NIBAN1: variants seen among roughly 807,000 people sequenced by gnomAD.
The protein encoded by NIBAN1 is niban apoptosis regulator 1.
In NIBAN1, 81 loss-of-function variants were observed where a neutral mutation model predicts 75.1. That is an observed-to-expected ratio of 1.08 (90% CI 0.90 to 1.30). The LOEUF (loss-of-function observed/expected upper bound fraction) is 1.30, where lower values mean the gene tolerates loss of function less well. Ranked by LOEUF, NIBAN1 falls within the 50% of genes most tolerant of loss-of-function variation. The pLI is 0.00. For missense variants in NIBAN1, 1,133 were observed against 1,128.1 expected (o/e 1.00, Z -0.06); for synonymous variants, 436 against 424.8 (o/e 1.03, Z -0.32).
intron 1 of NIBAN1, among the ~76,000 whole-genome samples, chr1:184,974,033 C>G (rs1253936169): frequency 2.6e-5 from 4 of 152,070 alleles, no homozygotes; most frequent in Non-Finnish European, 5.9e-5. Flanking sequence ...GCACTGACCC[C>G]GAGGCGGCGG....
chr1:184,809,136 G>A (rs1043127641), intron 9 of NIBAN1, among the ~76,000 whole-genome samples: 6 of 152,148 alleles, frequency 3.9e-5, no homozygotes, highest in Admixed American at 1.3e-4. Flanking sequence ...TTCAGCTCAC[G>A]CAGAAGAGAT....
At chr1:184,842,011 C>T (rs1655300271) in intron 5 of NIBAN1, among the ~76,000 whole-genome samples, 1 of 152,030 alleles carries the variant, frequency 6.6e-6, no homozygotes, top group Non-Finnish European at 1.5e-5. Flanking sequence ...GTACATAGTA[C>T]TTATTAAGTG....
At chr1:184,906,357 G>T (rs1024844817) in intron 1 of NIBAN1, among the ~76,000 whole-genome samples, 1 of 151,594 alleles carries the variant, frequency 6.6e-6, no homozygotes, top group African/African-American at 2.4e-5. Flanking sequence ...TTGGCTGGGC[G>T]CGGTGGCTCA....
intron 9 of NIBAN1, among the ~76,000 whole-genome samples, chr1:184,812,193 T>A (rs1351177043): frequency 6.6e-6 from 1 of 152,166 alleles, no homozygotes; most frequent in South Asian, 2.1e-4. Flanking sequence ...AGGGCAACCA[T>A]CTTGCCCAGA....
chr1:184,822,374 G>T (rs951100415), intron 8 of NIBAN1, among the ~76,000 whole-genome samples: 1 of 152,200 alleles, frequency 6.6e-6, no homozygotes, highest in Non-Finnish European at 1.5e-5. Flanking sequence ...GTAAATATTT[G>T]TGCCTTTGTG....
At chr1:184,798,248 A>G in intron 12 of NIBAN1, 58 bp from the exon 13 acceptor site, 1 of 1,089,652 alleles carries the variant, frequency 9.2e-7, no homozygotes, top group Non-Finnish European at 1.3e-6. Flanking sequence ...CTGTTCTTAG[A>G]GGAGATACAG....
At chr1:184,929,495 C>CTA (rs1259321952) in intron 1 of NIBAN1, among the ~76,000 whole-genome samples, 2 of 152,006 alleles carry the variant, frequency 1.3e-5, no homozygotes, top group Non-Finnish European at 2.9e-5. Flanking sequence ...TTTAATAAGT[C>CTA]TAGTTTTTTC....
chr1:184,946,231 C>G (rs985991451), intron 1 of NIBAN1, among the ~76,000 whole-genome samples: 1 of 152,222 alleles, frequency 6.6e-6, no homozygotes, highest in African/African-American at 2.4e-5. Flanking sequence ...TCCCCTATTA[C>G]TTTCGCAATT....
intron 1 of NIBAN1, among the ~76,000 whole-genome samples, chr1:184,922,673 C>T (rs1270333206): frequency 6.6e-6 from 1 of 152,196 alleles, no homozygotes; most frequent in African/African-American, 2.4e-5. Context: ...ATGGCACAAT[C>T]TCAGCTTACT....
At chr1:184,908,691 C>A (rs1297996672) in intron 1 of NIBAN1, among the ~76,000 whole-genome samples, 2 of 152,178 alleles carry the variant, frequency 1.3e-5, no homozygotes, top group Non-Finnish European at 2.9e-5. Context: ...TCCTTCCATT[C>A]CACTTGGAAG....
chr1:184,823,466 T>A lies in NIBAN1; in HGVS notation c.823-137A>T. ...ACACATTGTAATTTTTCTTTCAAAG[T>A]TGGAGTCTGTTTGGAACAGTCTTCT... On this transcript the variant is annotated intron_variant, in intron 7 of 13. Coordinates refer to ENST00000367511, the MANE Select transcript of NIBAN1 (RefSeq NM_052966.4). The A allele has an allele frequency of 2.2e-6, 3 of 1,337,178 alleles. No individual in the cohort carries two copies. The South Asian group carries it at 4.3e-5, about 19-fold the overall frequency. 82.8% of individuals were successfully genotyped at this position (1,337,178 alleles called of 1,614,324 possible). A position where few individuals can be genotyped will look rare whatever the true frequency, so the allele number is the denominator to read the frequency against.
intron 1 of NIBAN1, among the ~76,000 whole-genome samples, chr1:184,961,638 T>A (rs946548183): frequency 6.6e-6 from 1 of 152,222 alleles, no homozygotes; most frequent in Non-Finnish European, 1.5e-5. Context: ...TATAACCATG[T>A]GCTTCAGAGA....
chr1:184,920,645 A>C (rs1657504666), intron 1 of NIBAN1, among the ~76,000 whole-genome samples: 1 of 152,174 alleles, frequency 6.6e-6, no homozygotes, highest in South Asian at 2.1e-4. Flanking sequence ...TGCAATATTT[A>C]TTAAATATCT....
chr1:184,897,017 C>G (rs945050933), intron 2 of NIBAN1, among the ~76,000 whole-genome samples: 27 of 152,098 alleles, frequency 1.8e-4, no homozygotes, highest in African/African-American at 6.3e-4. Flanking sequence ...CGTGCTTTGG[C>G]TATTCAGGCT....
At chr1:184,810,860 T>C (rs1009240747) in intron 9 of NIBAN1, among the ~76,000 whole-genome samples, 1 of 152,212 alleles carries the variant, frequency 6.6e-6, no homozygotes, top group Non-Finnish European at 1.5e-5. Context: ...TTTTATCAGA[T>C]GGTGTCAGAA....
At chr1:184,971,128 A>C (rs1265211884) in intron 1 of NIBAN1, among the ~76,000 whole-genome samples, 1 of 152,046 alleles carries the variant, frequency 6.6e-6, no homozygotes, top group Non-Finnish European at 1.5e-5. Flanking sequence ...TCTACAAAAA[A>C]TACAATTAGC....
chr1:184,859,760 TCAC>T (rs1458271061), intron 5 of NIBAN1, among the ~76,000 whole-genome samples: 1 of 152,054 alleles, frequency 6.6e-6, no homozygotes. Context: ...TCTGCCATGC[TCAC>T]CAGATTACTG....
At chr1:184,839,241 G>T (rs1217553164) in intron 5 of NIBAN1, among the ~76,000 whole-genome samples, 4 of 152,062 alleles carry the variant, frequency 2.6e-5, no homozygotes, top group African/African-American at 4.8e-5. Context: ...TCAAGCAATG[G>T]CCACTTACCT....
intron 1 of NIBAN1, among the ~76,000 whole-genome samples, chr1:184,949,150 GAGA>G (rs1311179287): frequency 6.6e-6 from 1 of 152,074 alleles, no homozygotes; most frequent in African/African-American, 2.4e-5. Flanking sequence ...TCAGAAGATA[GAGA>G]CCATCCTGGC....
Sources: gnomAD v4.1 joint callset for allele counts (sites outside exome capture counted in the v4.1 genomes callset) on GRCh38, gnomAD v4.1.1 for gene constraint, MANE v1.5 for transcripts, NCBI Gene and HGNC (gene_info 2026-07-23, HGNC 2026-07-21) for gene names.